The following FER variants were observed in gnomAD, a reference collection of about 807,000 sequenced individuals.
FER encodes the protein tyrosine-protein kinase Fer.
In FER, 63 loss-of-function variants were observed where a neutral mutation model predicts 111.0. The ratio of observed to expected loss-of-function variants is 0.57; its 90% CI spans 0.46 to 0.70. The LOEUF (loss-of-function observed/expected upper bound fraction) is 0.70. Among genes scored for constraint, FER ranks in the 30% least tolerant of loss-of-function variants. The pLI is 0.00. For missense variants in FER, 914 were observed against 954.0 expected (o/e 0.96, Z 0.55); for synonymous variants, 327 against 313.9 (o/e 1.04, Z -0.44).
At chr5:108,800,352 T>C (rs1206347252) in intron 3 of FER, among the ~76,000 whole-genome samples, 1 of 152,082 alleles carries the variant, frequency 6.6e-6, no homozygotes, top group Non-Finnish European at 1.5e-5. Context: ...ATGTCAGCCT[T>C]TCCTCTTTTT....
chr5:109,132,887 A>G (rs1211963811), intron 17 of FER, among the ~76,000 whole-genome samples: 3 of 152,164 alleles, frequency 2.0e-5, no homozygotes, highest in African/African-American at 7.2e-5. Context: ...TAAAGAACAA[A>G]TCAGGAGCAG....
At chr5:108,957,792 GT>G (rs1758623416) in intron 12 of FER, among the ~76,000 whole-genome samples, 1 of 151,604 alleles carries the variant, frequency 6.6e-6, no homozygotes, top group South Asian at 2.1e-4. Flanking sequence ...TGGTTTGCAT[GT>G]TAATAGTTAT....
At chr5:109,100,130 G>A (rs1414014268) in intron 16 of FER, among the ~76,000 whole-genome samples, 2 of 151,666 alleles carry the variant, frequency 1.3e-5, no homozygotes, top group African/African-American at 4.8e-5. Context: ...TATGATTTTT[G>A]TATATTATTA....
At chr5:109,111,986 T>C (rs755925733) in intron 17 of FER, among the ~76,000 whole-genome samples, 4 of 152,182 alleles carry the variant, frequency 2.6e-5, no homozygotes, top group African/African-American at 9.7e-5. Context: ...CATATTTTTA[T>C]TATAGAACAA....
At chr5:108,913,630 G>A (rs1450778297) in intron 10 of FER, among the ~76,000 whole-genome samples, 1 of 152,180 alleles carries the variant, frequency 6.6e-6, no homozygotes. Context: ...TGTACACCCT[G>A]TGACTCAGTA....
chr5:109,044,583 G>A, intron 14 of FER, 97 bp from the exon 15 acceptor site: 1 of 604,568 alleles, frequency 1.7e-6, no homozygotes, highest in South Asian at 2.7e-5. Flanking sequence ...TTGACATGTA[G>A]GTAAGCACCT....
intron 14 of FER, among the ~76,000 whole-genome samples, chr5:109,042,632 A>G (rs1448867077): frequency 1.3e-5 from 2 of 152,218 alleles, no homozygotes; most frequent in African/African-American, 4.8e-5. Flanking sequence ...GGCAGAAACC[A>G]TTAGAAAGAC....
At chr5:109,050,227 A>G (rs1287585945) in intron 16 of FER, among the ~76,000 whole-genome samples, 1 of 152,248 alleles carries the variant, frequency 6.6e-6, no homozygotes, top group Non-Finnish European at 1.5e-5. Context: ...AAGAATCATA[A>G]TTAACAAAAC....
chr5:109,059,718 C>G (rs926321885), intron 16 of FER, among the ~76,000 whole-genome samples: 2 of 152,136 alleles, frequency 1.3e-5, no homozygotes, highest in African/African-American at 4.8e-5. Context: ...CCAGAACATT[C>G]ATACGTTACT....
intron 10 of FER, among the ~76,000 whole-genome samples, chr5:108,938,407 G>C (rs72793927): frequency 0.12 from 18,940 of 151,944 alleles, 1,233 homozygotes; most frequent in Middle Eastern, 0.17. Context: ...TTGACAATGA[G>C]AGTGGAAAAT....
chr5:108,911,118 C>T lies in FER; in HGVS notation c.1236+13270C>T, dbSNP rs557998721. 1.0e-3 allele frequency among the ~76,000 whole-genome samples: 156 copies of T among 152,270 alleles called. 1 individual carries two copies. Among genetic ancestry groups the T allele is most frequent in the African/African-American group, 3.5e-3 (146 of 41,556 alleles). Reference sequence around the variant, plus strand: ...GCATAACATTTTCTTTTCACCACATCCGCACTAGCATCTGTTGTTTTTTGA... The same window carrying T: ...GCATAACATTTTCTTTTCACCACATTCGCACTAGCATCTGTTGTTTTTTGA... On this transcript the variant is annotated intron_variant, in intron 10 of 19. Transcript: ENST00000281092.
intron 13 of FER, among the ~76,000 whole-genome samples, chr5:109,016,268 C>T (rs892993351): frequency 6.6e-6 from 1 of 151,504 alleles, no homozygotes; most frequent in Non-Finnish European, 1.5e-5. Flanking sequence ...TAATCCATCC[C>T]AATTCTATAG....
chr5:109,058,384 G>C (rs374897949), intron 16 of FER, among the ~76,000 whole-genome samples: 4 of 151,876 alleles, frequency 2.6e-5, no homozygotes, highest in East Asian at 3.9e-4. Context: ...AAAGTAAAAG[G>C]CATCTTTTAA....
chr5:108,921,103 G>A (rs1382807397), intron 10 of FER, among the ~76,000 whole-genome samples: 1 of 152,012 alleles, frequency 6.6e-6, no homozygotes, highest in Non-Finnish European at 1.5e-5. Flanking sequence ...AGAGATCTCT[G>A]ACTACTTCAG....
chr5:109,110,315 G>A (rs1318959759), intron 17 of FER, among the ~76,000 whole-genome samples: 2 of 152,168 alleles, frequency 1.3e-5, no homozygotes, highest in Non-Finnish European at 1.5e-5. Flanking sequence ...AAGAGAAAGG[G>A]ATGGTGGAGA....
chr5:108,919,784 A>T (rs1271604944), intron 10 of FER, among the ~76,000 whole-genome samples: 1 of 152,146 alleles, frequency 6.6e-6, no homozygotes, highest in African/African-American at 2.4e-5. Context: ...GTGTTGCATG[A>T]TTACTAAGCC....
intron 10 of FER, among the ~76,000 whole-genome samples, chr5:108,926,719 T>C (rs1753791076): frequency 6.6e-6 from 1 of 152,230 alleles, no homozygotes. Flanking sequence ...CACACTCACT[T>C]GGAGACATAC....
intron 17 of FER, among the ~76,000 whole-genome samples, chr5:109,123,469 G>GT (rs975650511): frequency 1.3e-4 from 19 of 150,036 alleles, no homozygotes; most frequent in Admixed American, 6.0e-4. Flanking sequence ...TTTTTTGTTG[G>GT]TTTTTTTTTA....
At position 109,093,582 on chromosome 5, in the gene FER, G is replaced by C. The variant is rs1248359254; in HGVS notation, c.1925-6814G>C. Among the ~76,000 whole-genome samples the C allele has an allele frequency of 3.3e-5, 5 of 151,958 alleles. No individual in the cohort carries two copies. The East Asian group carries it at 9.6e-4, about 29-fold the overall frequency. ...TTGTATGACATCCACTGATATCATT[G>C]TTTTGGGGATCTTAATATCCCTAAA... On this transcript the variant is annotated intron_variant, in intron 16 of 19. Transcript: ENST00000281092.
Sources: gnomAD v4.1 joint callset for allele counts (sites outside exome capture counted in the v4.1 genomes callset) on GRCh38, gnomAD v4.1.1 for gene constraint, MANE v1.5 for transcripts, NCBI Gene and HGNC (gene_info 2026-07-23, HGNC 2026-07-21) for gene names.